Variants in TULP3 observed in about 807,000 individuals in gnomAD.
The protein encoded by TULP3 is TUB like protein 3, also known as tubby-related protein 3.
Under a neutral mutation model 50.7 loss-of-function variants are expected in TULP3, and 38 were observed. That is an observed-to-expected ratio of 0.75 (90% CI 0.58 to 0.98). The LOEUF is 0.98. Ranked by LOEUF, TULP3 falls within the 50% of genes least tolerant of loss-of-function variation. The probability of loss-of-function intolerance (pLI) is 0.00; values close to 1 mark genes in which losing one functional copy is unlikely to be tolerated. For missense variants in TULP3, 550 were observed against 568.0 expected (o/e 0.97, Z 0.32); for synonymous variants, 183 against 196.6 (o/e 0.93, Z 0.58).
At chr12:2,899,809 C>T (rs916969579) in intron 1 of TULP3, among the ~76,000 whole-genome samples, 2 of 150,092 alleles carry the variant, frequency 1.3e-5, no homozygotes. Flanking sequence ...AGGAGAATGG[C>T]ATGAACCCAG....
At chr12:2,929,273 C>CAT (rs2098196488) in intron 4 of TULP3, among the ~76,000 whole-genome samples, 1 of 150,896 alleles carries the variant, frequency 6.6e-6, no homozygotes. Context: ...GTCGAGATCG[C>CAT]GCCACTGCGC....
At chr12:2,935,812 T>TA (rs1291543321) in intron 8 of TULP3, among the ~76,000 whole-genome samples, 2 of 151,332 alleles carry the variant, frequency 1.3e-5, no homozygotes, top group African/African-American at 2.4e-5. Context: ...CTACTAAAAA[T>TA]ACAAAAATTA....
chr12:2,915,545 GT>G (rs11453949), intron 2 of TULP3, among the ~76,000 whole-genome samples: 3 of 144,840 alleles, frequency 2.1e-5, no homozygotes, highest in Non-Finnish European at 1.5e-5. Flanking sequence ...TTTTTATTTT[GT>G]TTTTTTTTTT....
chr12:2,911,418 T>C (rs2098185392), intron 2 of TULP3, among the ~76,000 whole-genome samples: 2 of 151,692 alleles, frequency 1.3e-5, no homozygotes, highest in Non-Finnish European at 2.9e-5. Context: ...AGTGGCGCAA[T>C]CTTGCCTCAC....
intron 4 of TULP3, among the ~76,000 whole-genome samples, chr12:2,922,745 A>G (rs1472926988): frequency 1.3e-5 from 2 of 151,942 alleles, no homozygotes; most frequent in East Asian, 1.9e-4. Flanking sequence ...CCTCCATTTC[A>G]TAGTTGGTGA....
In TULP3 at chr12:2,940,045, G is replaced by A. The variant is rs1237899462; in HGVS notation, c.*601G>A. On this transcript the variant is annotated 3_prime_UTR_variant, in exon 11 of 11. Coordinates refer to ENST00000448120, the MANE Select transcript of TULP3 (RefSeq NM_003324.5). ...AGCAGATTGGCCGGCACCAATCTTA[G>A]TCAAGAGTGGCTGTGATCACATTTG... is the stretch of plus-strand genomic sequence containing the variant. 2.3e-6 allele frequency: 3 copies of A among 1,289,040 alleles called. No individual in the cohort carries two copies. Among genetic ancestry groups the A allele is most frequent in the Non-Finnish European group, 3.0e-6 (3 of 988,584 alleles). 79.9% of individuals were successfully genotyped at this position (1,289,040 alleles called of 1,614,324 possible). A position where few individuals can be genotyped will look rare whatever the true frequency, so the allele number is the denominator to read the frequency against.
chr12:2,922,541 G>A, intron 4 of TULP3, 139 bp downstream of exon 4: 2 of 1,042,480 alleles, frequency 1.9e-6, no homozygotes, highest in African/African-American at 1.6e-5. Flanking sequence ...ACAGTGTTTA[G>A]CATCTTTTAC....
At chr12:2,906,789 G>A (rs868510710) in intron 1 of TULP3, among the ~76,000 whole-genome samples, 10 of 150,476 alleles carry the variant, frequency 6.6e-5, no homozygotes, top group Admixed American at 5.3e-4. Context: ...GGTGGCACAC[G>A]CCTGTAATCC....
chr12:2,918,473 T>G (rs2098189942), intron 2 of TULP3, among the ~76,000 whole-genome samples: 1 of 152,192 alleles, frequency 6.6e-6, no homozygotes, highest in Admixed American at 6.5e-5. Context: ...GAAATAGCTG[T>G]GGCCACATAG....
At chr12:2,899,899 AAAACAAACAAAAAAAAAAAC>A (rs1390530603) in intron 1 of TULP3, among the ~76,000 whole-genome samples, 1 of 47,526 alleles carries the variant, frequency 2.1e-5, no homozygotes, top group African/African-American at 1.2e-4. Flanking sequence ...TCTCAAAAAA[AAAACAAACAAAAAAAAAAAC>A]AAAAAAAACT....
intron 6 of TULP3, 42 bp downstream of exon 6, chr12:2,931,282 G>A (rs755824894): frequency 6.3e-7 from 1 of 1,592,474 alleles, no homozygotes; most frequent in Non-Finnish European, 8.6e-7. Flanking sequence ...AGAGAGAGAA[G>A]AATGTTGTGG....
intron 1 of TULP3, among the ~76,000 whole-genome samples, chr12:2,899,713 G>A (rs1247156113): frequency 1.3e-5 from 2 of 151,930 alleles, no homozygotes; most frequent in Non-Finnish European, 2.9e-5. Context: ...CTAACACAGT[G>A]AAACCCTGTC....
At chr12:2,896,271 C>A (rs375674316) in intron 1 of TULP3, among the ~76,000 whole-genome samples, 1 of 152,172 alleles carries the variant, frequency 6.6e-6, no homozygotes, top group Non-Finnish European at 1.5e-5. Flanking sequence ...TAGGGGACCC[C>A]TGTTGTATAT....
At chr12:2,928,559 A>C (rs537681119) in intron 4 of TULP3, among the ~76,000 whole-genome samples, 1 of 152,198 alleles carries the variant, frequency 6.6e-6, no homozygotes, top group African/African-American at 2.4e-5. Context: ...AAATAAAAAG[A>C]AAATGCTGAG....
intron 4 of TULP3, among the ~76,000 whole-genome samples, chr12:2,924,370 G>A (rs2098193523): frequency 2.0e-5 from 3 of 152,080 alleles, no homozygotes; most frequent in Admixed American, 2.0e-4. Flanking sequence ...GTCAGGAATT[G>A]GGACTTTATC....
intron 1 of TULP3, among the ~76,000 whole-genome samples, chr12:2,892,513 C>T (rs975938410): frequency 2.6e-5 from 4 of 151,906 alleles, no homozygotes; most frequent in African/African-American, 4.8e-5. Context: ...AGAGGCTTTT[C>T]CTTCCTTTTT....
At chr12:2,900,549 T>A (rs2098178541) in intron 1 of TULP3, among the ~76,000 whole-genome samples, 1 of 152,134 alleles carries the variant, frequency 6.6e-6, no homozygotes, top group Admixed American at 6.6e-5. Context: ...GATGTCTTGG[T>A]AGAATTAATA....
At chr12:2,931,276 A>C (rs1218767523) in intron 6 of TULP3, 36 bp downstream of exon 6, 1 of 1,601,128 alleles carries the variant, frequency 6.2e-7, no homozygotes, top group African/African-American at 1.3e-5. Flanking sequence ...CTCTTGAGAG[A>C]GAGAAGAATG....
chr12:2,934,478 T>G lies in TULP3; in HGVS notation c.841T>G (p.Tyr281Asp), dbSNP rs764871037. The change falls in exon 8 of 11, where the codon TAT becomes GAT. Residue 281 changes from tyrosine (Y) to aspartate (D), a missense_variant. Coordinates refer to ENST00000448120, the MANE Select transcript of TULP3 (RefSeq NM_003324.5). ...CCTCATGGGGACCAAGTTTACAGTT[T>G]ATGACCGTGGCATCTGCCCCATGAA... Reference protein sequence around the residue: ...SNLMGTKFTVYDRGICPMKGR... With the variant: ...SNLMGTKFTVDDRGICPMKGR... 1.2e-6 allele frequency: 2 copies of G among 1,603,902 alleles called. No individual in the cohort carries two copies. The highest frequency in any genetic ancestry group is 2.3e-5 in the East Asian group (1 of 43,938).
Sources: gnomAD v4.1 joint callset for allele counts (sites outside exome capture counted in the v4.1 genomes callset) on GRCh38, gnomAD v4.1.1 for gene constraint, MANE v1.5 for transcripts, NCBI Gene and HGNC (gene_info 2026-07-23, HGNC 2026-07-21) for gene names.